The following ADGRB1 variants were observed in gnomAD, a reference collection of about 807,000 sequenced individuals.
ADGRB1 encodes brain-specific angiogenesis inhibitor 1.
A neutral mutation model predicts 175.7 loss-of-function variants in ADGRB1; 36 were observed. The ratio of observed to expected loss-of-function variants is 0.20; its 90% CI spans 0.16 to 0.27. The LOEUF is 0.27. Among genes scored for constraint, ADGRB1 ranks in the 10% least tolerant of loss-of-function variants. The probability of loss-of-function intolerance (pLI) is 1.00; values close to 1 mark genes in which losing one functional copy is unlikely to be tolerated. For missense variants in ADGRB1, 1,731 were observed against 2,255.3 expected, an observed-to-expected ratio of 0.77 and a Z score of 4.71; for synonymous variants, 1,054 against 979.4, an observed-to-expected ratio of 1.08 and a Z score of -1.42.
intron 1 of ADGRB1, among the ~76,000 whole-genome samples, chr8:142,452,716 G>A (rs1181743679): frequency 3.3e-5 from 5 of 152,150 alleles, no homozygotes; most frequent in Non-Finnish European, 7.4e-5. Context: ...GCCCCAGGGA[G>A]GGCCTAGCAA....
chr8:142,491,220 G>A (rs538856530), intron 17 of ADGRB1, among the ~76,000 whole-genome samples: 1 of 152,376 alleles, frequency 6.6e-6, no homozygotes, highest in African/African-American at 2.4e-5. Context: ...GCATGGAGTG[G>A]AACTGGAACT....
In ADGRB1 at chr8:142,475,484, G is replaced by T; in HGVS notation, c.795G>T (p.Lys265Asn). The change falls in exon 3 of 31, where the codon AAG becomes AAT. Residue 265 changes from lysine (K) to asparagine (N), a missense_variant. This residue lies in a region of ADGRB1 where 178 missense variants were observed against 227.8 expected (regional missense o/e 0.78). Transcript: ENST00000517894. ...RGGHGATGGWKLWSLWGECTR... is the reference protein window; with the variant it reads ...RGGHGATGGWNLWSLWGECTR... ...CTGGTTTCCCCCCAGGCGGCTGGAA[G>T]CTGTGGTCCCTGTGGGGCGAATGCA... 2 of 1,295,266 alleles carry T rather than the reference G, an allele frequency of 1.5e-6. No homozygotes were observed. Among genetic ancestry groups the T allele is most frequent in the Non-Finnish European group, 9.8e-7 (1 of 1,020,356 alleles). 80.2% of individuals were successfully genotyped at this position (1,295,266 alleles called of 1,614,324 possible). A position where few individuals can be genotyped will look rare whatever the true frequency, so the allele number is the denominator to read the frequency against.
chr8:142,464,368 C>A lies in ADGRB1; in HGVS notation c.170C>A (p.Ala57Glu). ...GGAAAGTTCTTCGGCTACTTCTCCG[C>A]GGCCGCCGTGTTCCCGGCCAACGCC... ...VQGKFFGYFS[A>E]AAVFPANASR... The change falls in exon 2 of 31, where the codon GCG becomes GAG. Residue 57 changes from alanine to glutamate, a missense_variant. Ala to Glu is a moderately radical substitution (Grantham distance 107). This residue lies in a region of ADGRB1 where 383 missense variants were observed against 383.1 expected (regional missense o/e 1.00). Transcript: ENST00000517894. The A allele has an allele frequency of 6.6e-7, 1 of 1,522,048 alleles. No homozygotes were observed. The highest frequency in any genetic ancestry group is 8.8e-7 in the Non-Finnish European group (1 of 1,139,132). 94.3% of individuals were successfully genotyped at this position (1,522,048 alleles called of 1,614,324 possible). A position where few individuals can be genotyped will look rare whatever the true frequency, so the allele number is the denominator to read the frequency against.
chr8:142,522,752 C>A (rs1843926965), intron 22 of ADGRB1, 42 bp downstream of exon 22: 4 of 1,441,032 alleles, frequency 2.8e-6, no homozygotes, highest in South Asian at 1.5e-5. Flanking sequence ...GCCACATGGC[C>A]CCCCAGAGAC....
chr8:142,507,893 T>A (rs894766156), intron 17 of ADGRB1, among the ~76,000 whole-genome samples: 3 of 151,962 alleles, frequency 2.0e-5, no homozygotes. Flanking sequence ...TGTACTGTGC[T>A]GGCCATCTTG....
chr8:142,486,086 AG>A (rs1563702376), intron 13 of ADGRB1, among the ~76,000 whole-genome samples: 1 of 152,190 alleles, frequency 6.6e-6, no homozygotes, highest in Non-Finnish European at 1.5e-5. Flanking sequence ...GAACGTTTAC[AG>A]GACACATTCA....
At chr8:142,523,563 G>C (rs1843995376) in intron 22 of ADGRB1, among the ~76,000 whole-genome samples, 1 of 152,016 alleles carries the variant, frequency 6.6e-6, no homozygotes, top group Non-Finnish European at 1.5e-5. Flanking sequence ...CCAGAGATGA[G>C]AGAAGCAAAT....
chr8:142,520,028 GTGGTGA>G (rs1242112664), intron 19 of ADGRB1, among the ~76,000 whole-genome samples: 2 of 87,328 alleles, frequency 2.3e-5, no homozygotes, highest in Non-Finnish European at 5.1e-5. Context: ...GATGGTGGTG[GTGGTGA>G]TGGTGGTAGT....
chr8:142,469,790 C>T (rs2131727420), intron 2 of ADGRB1, among the ~76,000 whole-genome samples: 1 of 152,040 alleles, frequency 6.6e-6, no homozygotes, highest in Non-Finnish European at 1.5e-5. Flanking sequence ...TGTGTGTGCA[C>T]GTGCGTGTGC....
chr8:142,533,787 C>T (rs1225852485), intron 25 of ADGRB1, among the ~76,000 whole-genome samples: 1 of 152,204 alleles, frequency 6.6e-6, no homozygotes, highest in Non-Finnish European at 1.5e-5. Flanking sequence ...AAGCTGGCAG[C>T]AGAAGTAGCT....
At chr8:142,506,104 C>A (rs560175689) in intron 17 of ADGRB1, among the ~76,000 whole-genome samples, 1 of 152,232 alleles carries the variant, frequency 6.6e-6, no homozygotes, top group South Asian at 2.1e-4. Flanking sequence ...TGACTGAGCA[C>A]CTGGGCGACC....
chr8:142,476,437 G>A (rs1192079850), intron 3 of ADGRB1, 148 bp from the exon 4 acceptor site: 4 of 692,882 alleles, frequency 5.8e-6, no homozygotes, highest in Non-Finnish European at 1.0e-5. Context: ...ATGAGGGCTG[G>A]TGCCAGGCTG....
intron 17 of ADGRB1, among the ~76,000 whole-genome samples, chr8:142,509,488 A>T (rs1434903736): frequency 6.6e-6 from 1 of 152,078 alleles, no homozygotes; most frequent in Non-Finnish European, 1.5e-5. Flanking sequence ...AGCAGGCTGG[A>T]GAGAGCGCCA....
rs1232353607 is a variant in ADGRB1 at position 142,455,452 on chromosome 8, G to C, written c.-220+5348G>C. On this transcript the variant is annotated intron_variant, in intron 1 of 30. Coordinates refer to ENST00000517894, the MANE Select transcript of ADGRB1 (RefSeq NM_001702.3). The surrounding 1 kb of genome is among the most constrained non-coding windows in gnomAD (Gnocchi z 4.9). ...CGACAGAAGTCCTCTCTGCAGCTTC[G>C]CTGTCAGGCCCCCAACCACTTGCCT... 6.6e-6 allele frequency among the ~76,000 whole-genome samples: 1 copy of C among 152,132 alleles called. No individual in the cohort carries two copies. Among genetic ancestry groups the C allele is most frequent in the Non-Finnish European group, 1.5e-5 (1 of 68,038 alleles).
At chr8:142,521,099 A>AG (rs1175418792) in intron 20 of ADGRB1, among the ~76,000 whole-genome samples, 174 bp downstream of exon 20, 1 of 152,098 alleles carries the variant, frequency 6.6e-6, no homozygotes, top group Admixed American at 6.5e-5. Flanking sequence ...TGGCTGCAGG[A>AG]GCCTGTCAGG....
intron 9 of ADGRB1, 133 bp from the exon 10 acceptor site, chr8:142,481,121 C>A (rs773391968): frequency 6.6e-6 from 5 of 755,098 alleles, no homozygotes; most frequent in Middle Eastern, 3.8e-4. Context: ...CTGCTCTCGG[C>A]GTGAGGCCAT....
chr8:142,472,204 C>T (rs927501745), intron 2 of ADGRB1, among the ~76,000 whole-genome samples: 2 of 152,308 alleles, frequency 1.3e-5, no homozygotes, highest in South Asian at 2.1e-4. Context: ...CCAGCCAACT[C>T]GGGGTGCGGG....
At chr8:142,503,600 G>A (rs1162892344) in intron 17 of ADGRB1, among the ~76,000 whole-genome samples, 2 of 152,238 alleles carry the variant, frequency 1.3e-5, no homozygotes, top group East Asian at 3.9e-4. Context: ...AGGCTTCTGA[G>A]TGCCAGCCTC....
chr8:142,521,768 A>G (rs1031628645), intron 20 of ADGRB1, among the ~76,000 whole-genome samples, 197 bp from the exon 21 acceptor site: 6 of 152,194 alleles, frequency 3.9e-5, no homozygotes, highest in African/African-American at 9.6e-5. Flanking sequence ...GTTTGTCCCA[A>G]CGGGGCTTAG....
Sources: allele counts gnomAD v4.1 joint callset (sites outside exome capture counted in the v4.1 genomes callset), GRCh38; gene constraint gnomAD v4.1.1; regional missense constraint gnomAD v4.1.1; non-coding constraint Gnocchi (gnomAD v3.1); transcripts MANE v1.5; gene names NCBI Gene and HGNC (gene_info 2026-07-23, HGNC 2026-07-21).